NLGN3: variants seen among roughly 807,000 people sequenced by gnomAD.
NLGN3 encodes the protein neuroligin 3, also known as neuroligin-3.
NLGN3 carries 11 observed loss-of-function variants against 42.9 expected under a neutral mutation model. The ratio of observed to expected loss-of-function variants is 0.26; its 90% CI spans 0.16 to 0.42. NLGN3 has a LOEUF of 0.42. Among genes scored for constraint, NLGN3 ranks in the 10% least tolerant of loss-of-function variants. The probability of loss-of-function intolerance (pLI) is 1.00; values close to 1 mark genes in which losing one functional copy is unlikely to be tolerated. For missense variants in NLGN3, 374 were observed against 733.8 expected, an observed-to-expected ratio of 0.51 and a Z score of 5.67; for synonymous variants, 279 against 312.7, an observed-to-expected ratio of 0.89 and a Z score of 1.14.
At chrX:71,161,719 A>G (rs923434619) in intron 5 of NLGN3, among the ~76,000 whole-genome samples, 2 of 111,808 alleles carry the variant, frequency 1.8e-5, no homozygotes, top group Non-Finnish European at 3.8e-5. Context: ...GGTTGCAGCG[A>G]GCCGAGATCA....
chrX:71,164,696 T>C (rs752982384), intron 6 of NLGN3, among the ~76,000 whole-genome samples: 1 of 111,447 alleles, frequency 9.0e-6, no homozygotes, highest in Non-Finnish European at 1.9e-5. Flanking sequence ...AGGGTGGAAA[T>C]TGGTTTCTAG....
At chrX:71,147,096 C>T (rs905201984) in intron 1 of NLGN3, among the ~76,000 whole-genome samples, 1 of 111,261 alleles carries the variant, frequency 9.0e-6, no homozygotes, top group African/African-American at 3.3e-5. Context: ...CTTAGTGTCC[C>T]GGAGTGAGGT....
At chrX:71,158,467 A>G (rs1436875788) in intron 5 of NLGN3, among the ~76,000 whole-genome samples, 1 of 112,579 alleles carries the variant, frequency 8.9e-6, no homozygotes, top group African/African-American at 3.2e-5. Context: ...GGTAGTTCAA[A>G]GCCAAAAGTA....
At position 71,170,178 on chromosome X, in the gene NLGN3, C is replaced by CAT. The variant is rs35156036; in HGVS notation, c.*81_*82insAT. 5.9e-6 allele frequency: 7 copies of CAT among 1,184,423 alleles called. No homozygotes were observed. Among genetic ancestry groups the CAT allele is most frequent in the African/African-American group, 1.8e-5 (1 of 55,995 alleles). ...ACATGCACACACACACACACACACA[C>CAT]GCAGACACACACACACACACACATA... On this transcript the variant is annotated 3_prime_UTR_variant, in exon 8 of 8. Transcript: ENST00000358741.
At chrX:71,168,291 G>A (rs1373002283) in intron 7 of NLGN3, among the ~76,000 whole-genome samples, 2 of 111,461 alleles carry the variant, frequency 1.8e-5, no homozygotes, top group Non-Finnish European at 3.8e-5. Context: ...ACACTGAGCT[G>A]TGATCACGCC....
At chrX:71,157,700 C>T (rs2147885395) in intron 5 of NLGN3, among the ~76,000 whole-genome samples, 1 of 111,494 alleles carries the variant, frequency 9.0e-6, no homozygotes, top group Admixed American at 9.6e-5. Context: ...CTTCTGGGTG[C>T]AGTTGTATGC....
intron 5 of NLGN3, among the ~76,000 whole-genome samples, chrX:71,157,287 CTTATTTAT>C (rs397688201): frequency 0.033 from 3,319 of 99,854 alleles, 144 homozygotes; most frequent in African/African-American, 0.12. Flanking sequence ...TTTTAATTTG[CTTATTTAT>C]TTATTTATTT....
At chrX:71,153,441 T>C in intron 3 of NLGN3, 36 bp from the exon 4 acceptor site, 1 of 1,174,864 alleles carries the variant, frequency 8.5e-7, no homozygotes, top group Non-Finnish European at 1.2e-6. Flanking sequence ...TGTTCTCTGT[T>C]CTGTGCTGTT....
At chrX:71,163,630 A>T (rs2092437441) in intron 5 of NLGN3, among the ~76,000 whole-genome samples, 1 of 112,305 alleles carries the variant, frequency 8.9e-6, no homozygotes, top group Admixed American at 9.4e-5. Flanking sequence ...TGTTCATTTT[A>T]TCCTTGTTAC....
At chrX:71,158,385 G>A (rs983552682) in intron 5 of NLGN3, among the ~76,000 whole-genome samples, 2 of 112,042 alleles carry the variant, frequency 1.8e-5, no homozygotes, top group African/African-American at 6.5e-5. Flanking sequence ...GCGCCCGGCT[G>A]GGCTGCACAG....
intron 5 of NLGN3, among the ~76,000 whole-genome samples, chrX:71,158,083 TTA>T (rs2092416215): frequency 9.2e-6 from 1 of 108,567 alleles, no homozygotes; most frequent in Non-Finnish European, 1.9e-5. Flanking sequence ...AATTAATTAA[TTA>T]ATTAATTTTT....
chrX:71,153,099 T>C (rs2092396804), intron 3 of NLGN3, among the ~76,000 whole-genome samples: 1 of 112,562 alleles, frequency 8.9e-6, no homozygotes, highest in Non-Finnish European at 1.9e-5. Context: ...GACCTGCCTG[T>C]GTACACACAA....
At position 71,147,830 on chromosome X, in the gene NLGN3, G is replaced by A; in HGVS notation, c.81G>A (p.Trp27Ter). 1 of 1,209,914 alleles carries A rather than the reference G, an allele frequency of 8.3e-7. No individual in the cohort carries two copies. The highest frequency in any genetic ancestry group is 1.1e-6 in the Non-Finnish European group (1 of 894,705). The change falls in exon 2 of 8, where the codon TGG becomes TGA. Residue 27 changes from tryptophan (W) to a stop codon, truncating the protein, a stop_gained. Transcript: ENST00000358741. LOFTEE classifies it high-confidence loss of function. ...TVGRSLCLTLWFLSLALRAST... is the reference protein window; with the variant it reads ...TVGRSLCLTL ...GCAGGAGCCTGTGCCTCACCCTGTG[G>A]TTCCTCAGTTTGGCGCTGAGGGCCA...
intron 5 of NLGN3, among the ~76,000 whole-genome samples, chrX:71,161,089 C>T (rs775477039): frequency 1.1e-4 from 12 of 107,551 alleles, no homozygotes; most frequent in Admixed American, 5.1e-4. Context: ...TTGGAGATAG[C>T]ATTTCTTTTT....
At chrX:71,164,681 G>A (rs1262490840) in intron 6 of NLGN3, among the ~76,000 whole-genome samples, 2 of 111,686 alleles carry the variant, frequency 1.8e-5, no homozygotes, top group Middle Eastern at 9.2e-3. Context: ...TCACAGTAGA[G>A]ATATAGGGTG....
At chrX:71,164,397 C>G (rs895439493) in intron 6 of NLGN3, 69 bp downstream of exon 6, 40 of 1,056,606 alleles carry the variant, frequency 3.8e-5, no homozygotes, top group Non-Finnish European at 5.0e-5. Context: ...CCATCCATGC[C>G]CCAGGGCATC....
intron 2 of NLGN3, 135 bp from the exon 3 acceptor site, chrX:71,148,711 A>G (rs907912899): frequency 3.8e-5 from 19 of 500,268 alleles, no homozygotes; most frequent in Non-Finnish European, 5.5e-5. Context: ...TGACAGAAAC[A>G]AGGAGATGGT....
chrX:71,159,890 ATTTTTTTTT>A (rs748275369), intron 5 of NLGN3, among the ~76,000 whole-genome samples: 10 of 50,411 alleles, frequency 2.0e-4, no homozygotes, highest in African/African-American at 7.7e-4. Context: ...ACGCCCAGCT[ATTTTTTTTT>A]TTTTTTTTTT....
rs775084398 is a variant in NLGN3, at chrX:71,169,617, G to A, written c.2067G>A (p.Gly689=). The A allele has an allele frequency of 8.3e-7, 1 of 1,210,631 alleles. No homozygotes were observed. Among genetic ancestry groups the A allele is most frequent in the Non-Finnish European group, 1.1e-6 (1 of 895,255 alleles). Residue 689 remains glycine (G), a synonymous_variant, in exon 8 of 8, where the codon GGG becomes GGA. Coordinates refer to ENST00000358741, the MANE Select transcript of NLGN3 (RefSeq NM_181303.2). ...SNENAQGSWN[G]DQDAGPLLVE... is the part of the protein sequence containing the mutation. ...AGAATGCCCAGGGGTCCTGGAACGG[G>A]GACCAGGATGCAGGGCCACTCCTGG...
Sources: gnomAD v4.1 joint callset for allele counts (sites outside exome capture counted in the v4.1 genomes callset) on GRCh38, gnomAD v4.1.1 for gene constraint, MANE v1.5 for transcripts, NCBI Gene and HGNC (gene_info 2026-07-23, HGNC 2026-07-21) for gene names.